PDE1A: variants seen among roughly 807,000 people sequenced by gnomAD.
The protein encoded by PDE1A is dual specificity calcium/calmodulin-dependent 3',5'-cyclic nucleotide phosphodiesterase 1A.
Under a neutral mutation model 61.7 loss-of-function variants are expected in PDE1A, and 35 were observed. That is an observed-to-expected ratio of 0.57 (90% CI 0.43 to 0.75). The LOEUF is 0.75. Ranked by LOEUF, PDE1A falls within the 30% of genes least tolerant of loss-of-function variation. PDE1A has a pLI of 0.00. For synonymous variants in PDE1A, 232 were observed against 213.2 expected (o/e 1.09, Z -0.77); for missense variants, 597 against 630.6 (o/e 0.95, Z 0.57).
chr2:182,441,205 C>T (rs1574662594), intron 2 of PDE1A, among the ~76,000 whole-genome samples: 2 of 152,128 alleles, frequency 1.3e-5, no homozygotes, highest in African/African-American at 4.8e-5. Context: ...ATGGGTGAAA[C>T]CACCCCCATG....
chr2:182,443,863 C>T (rs1684958786), intron 2 of PDE1A, among the ~76,000 whole-genome samples: 1 of 151,772 alleles, frequency 6.6e-6, no homozygotes, highest in Non-Finnish European at 1.5e-5. Flanking sequence ...GCCACCATGC[C>T]CGGCTAATTT....
chr2:182,420,875 T>A (rs1378965325), intron 1 of PDE1A, among the ~76,000 whole-genome samples: 1 of 152,174 alleles, frequency 6.6e-6, no homozygotes, highest in African/African-American at 2.4e-5. Context: ...AATGTTGAAT[T>A]TTCCTCAATT....
At chr2:182,570,539 C>T in the PDE1A span, among the ~76,000 whole-genome samples, 1 of 152,178 alleles carries the variant, frequency 6.6e-6, no homozygotes, top group African/African-American at 2.4e-5. Flanking sequence ...CCCTCAGTAG[C>T]ATTGTCATGT....
At chr2:182,385,202 T>A (rs1218450966) in intron 1 of PDE1A, among the ~76,000 whole-genome samples, 2 of 152,212 alleles carry the variant, frequency 1.3e-5, no homozygotes, top group Non-Finnish European at 2.9e-5. Context: ...GATGCTAATG[T>A]GTAACATGAA....
intron 1 of PDE1A, among the ~76,000 whole-genome samples, chr2:182,293,925 T>C (rs911354992): frequency 1.3e-5 from 2 of 152,184 alleles, no homozygotes; most frequent in Non-Finnish European, 2.9e-5. Context: ...AGAAGGAGGA[T>C]CACCTGCTTT....
exon 1 of PDE1A, chr2:182,426,715 G>T: frequency 5.0e-6 from 8 of 1,589,638 alleles, no homozygotes; most frequent in Non-Finnish European, 6.0e-6. Flanking sequence ...GATCTATTGT[G>T]CTGCAAGGAG....
At chr2:182,599,973 T>C in the PDE1A span, among the ~76,000 whole-genome samples, 1 of 152,202 alleles carries the variant, frequency 6.6e-6, no homozygotes, top group Non-Finnish European at 1.5e-5. Context: ...TACTTCAACA[T>C]GACAGGAAAG....
chr2:182,627,856 A>G, the PDE1A span, among the ~76,000 whole-genome samples: 5 of 151,760 alleles, frequency 3.3e-5, no homozygotes, highest in Non-Finnish European at 5.9e-5. Flanking sequence ...AGGCAGGAGA[A>G]TCACTTGAAC....
At chr2:182,194,535 T>C (rs1193665398) in intron 10 of PDE1A, among the ~76,000 whole-genome samples, 1 of 152,094 alleles carries the variant, frequency 6.6e-6, no homozygotes, top group Admixed American at 6.6e-5. Flanking sequence ...GAAAATGCCT[T>C]GGAAATGAGA....
At chr2:182,656,778 C>T in the PDE1A span, among the ~76,000 whole-genome samples, 1 of 152,122 alleles carries the variant, frequency 6.6e-6, no homozygotes, top group Non-Finnish European at 1.5e-5. Flanking sequence ...GGTATTATCT[C>T]ATTTAATTTT....
At chr2:182,519,691 T>C (rs1278473994) in intron 2 of PDE1A, among the ~76,000 whole-genome samples, 1 of 151,924 alleles carries the variant, frequency 6.6e-6, no homozygotes, top group Non-Finnish European at 1.5e-5. Context: ...AAATTATTTC[T>C]ATGGACTCAA....
chr2:182,303,300 G>T (rs1164200202), intron 1 of PDE1A, among the ~76,000 whole-genome samples: 3 of 152,092 alleles, frequency 2.0e-5, no homozygotes, highest in African/African-American at 7.2e-5. Flanking sequence ...TGATCCATGG[G>T]CTGCAGAATG....
chr2:182,536,942 TC>T, the PDE1A span, among the ~76,000 whole-genome samples: 4 of 152,134 alleles, frequency 2.6e-5, no homozygotes, highest in African/African-American at 9.7e-5. Context: ...CGTGTTCTAG[TC>T]CCCAGCTTCT....
intron 1 of PDE1A, among the ~76,000 whole-genome samples, chr2:182,414,964 C>A (rs146600056): frequency 2.0e-3 from 306 of 152,244 alleles, no homozygotes; most frequent in African/African-American, 6.9e-3. Flanking sequence ...TTTGGTACAA[C>A]TGTTCAGCTC....
At position 182,212,403 on chromosome 2, in the gene PDE1A, T is replaced by C. The variant is rs73043821; in HGVS notation, c.777-6338A>G. 7.4e-3 allele frequency among the ~76,000 whole-genome samples: 1,121 copies of C among 152,136 alleles called. 11 individuals are homozygous for C. The highest frequency in any genetic ancestry group is 0.024 in the African/African-American group (1,016 of 41,524). On this transcript the variant is annotated intron_variant, in intron 7 of 13. Transcript: ENST00000351439. The stretch of plus-strand genomic sequence containing the variant: ...TGGCAATCTTTTAGAATACAATACA[T>C]TGGGGAGGAGCCAAGATGGCAGAAT...
At chr2:182,151,512 T>C (rs1690779560) in intron 13 of PDE1A, among the ~76,000 whole-genome samples, 1 of 152,198 alleles carries the variant, frequency 6.6e-6, no homozygotes, top group Non-Finnish European at 1.5e-5. Flanking sequence ...CTGGATCCTC[T>C]GACAAAGGAC....
chr2:182,534,854 T>C, the PDE1A span, among the ~76,000 whole-genome samples: 1 of 152,020 alleles, frequency 6.6e-6, no homozygotes, highest in Non-Finnish European at 1.5e-5. Flanking sequence ...AGGTTTTTCC[T>C]AAAGTCAATA....
intron 2 of PDE1A, among the ~76,000 whole-genome samples, chr2:182,469,298 C>G (rs1230539907): frequency 4.6e-5 from 7 of 151,968 alleles, no homozygotes; most frequent in Non-Finnish European, 2.9e-5. Context: ...TTCTGGAAAA[C>G]TTGCTGCAGC....
At chr2:182,383,229 T>A (rs1700835166) in intron 1 of PDE1A, among the ~76,000 whole-genome samples, 1 of 152,224 alleles carries the variant, frequency 6.6e-6, no homozygotes, top group Non-Finnish European at 1.5e-5. Flanking sequence ...ATATTTAAAG[T>A]CCTTCCTGAA....
Sources: allele counts gnomAD v4.1 joint callset (sites outside exome capture counted in the v4.1 genomes callset), GRCh38; gene constraint gnomAD v4.1.1; transcripts MANE v1.5; gene names NCBI Gene and HGNC (gene_info 2026-07-23, HGNC 2026-07-21).